The following COL17A1 variants were observed in gnomAD, a reference collection of about 807,000 sequenced individuals.
The protein encoded by COL17A1 is collagen type XVII alpha 1 chain, also known as collagen alpha-1(XVII) chain.
A neutral mutation model predicts 218.4 loss-of-function variants in COL17A1; 181 were observed. The ratio of observed to expected loss-of-function variants is 0.83; its 90% CI spans 0.73 to 0.94. The LOEUF is 0.94. Among genes scored for constraint, COL17A1 ranks in the 40% least tolerant of loss-of-function variants. COL17A1 has a pLI of 0.00. For missense variants in COL17A1, 1,924 were observed against 1,945.9 expected (o/e 0.99, Z 0.21); for synonymous variants, 721 against 731.0 (o/e 0.99, Z 0.22).
intron 48 of COL17A1, among the ~76,000 whole-genome samples, 176 bp from the exon 49 acceptor site, chr10:104,035,739 G>A (rs1175614359): frequency 6.7e-6 from 1 of 149,788 alleles, no homozygotes; most frequent in African/African-American, 2.5e-5. Context: ...GGGCCCACGG[G>A]GCCGGAGAAG....
At position 104,042,504 on chromosome 10, in the gene COL17A1, A is replaced by T. The variant is rs746816333; in HGVS notation, c.2516-49T>A. On this transcript the variant is annotated intron_variant, in intron 35 of 55. Transcript: ENST00000648076. ...AAGGCTAAATCATGCATGTAGGGTC[A>T]TAGGAAGAACTAAAGGCATAATTCC... 1.3e-5 allele frequency: 20 copies of T among 1,595,776 alleles called. No homozygotes were observed. The Admixed American group carries it at 1.3e-4, about 11-fold the overall frequency.
At chr10:104,038,981 T>C (rs1044359058) in intron 44 of COL17A1, 90 bp downstream of exon 44, 11 of 1,351,638 alleles carry the variant, frequency 8.1e-6, no homozygotes, top group African/African-American at 2.9e-5. Context: ...CATGGAGAAA[T>C]GAATGAACGA....
At chr10:104,040,207 C>T (rs754467031) in intron 40 of COL17A1, 144 bp downstream of exon 40, 13 of 910,960 alleles carry the variant, frequency 1.4e-5, no homozygotes, top group Middle Eastern at 2.4e-4. Flanking sequence ...ACCTTTGCTC[C>T]AGGCTGCTGA....
chr10:104,048,351 C>T (rs555661183), intron 29 of COL17A1, among the ~76,000 whole-genome samples: 13 of 152,302 alleles, frequency 8.5e-5, no homozygotes, highest in Admixed American at 3.3e-4. Context: ...TCAAGCGCCT[C>T]GATGCTCAAT....
At chr10:104,053,618 T>TTC (rs1190038845) in intron 22 of COL17A1, among the ~76,000 whole-genome samples, 2 of 152,064 alleles carry the variant, frequency 1.3e-5, no homozygotes, top group Non-Finnish European at 2.9e-5. Flanking sequence ...CAGGGAGGCC[T>TTC]TCCCTGGCTT....
At chr10:104,059,790 G>C (rs768404538) in intron 14 of COL17A1, 72 bp from the exon 15 acceptor site, 1 of 1,486,078 alleles carries the variant, frequency 6.7e-7, no homozygotes. Context: ...TGTTCCCCCC[G>C]CCCTTGCCCA....
intron 55 of COL17A1, among the ~76,000 whole-genome samples, 187 bp from the exon 56 acceptor site, chr10:104,032,477 G>C (rs573954446): frequency 6.6e-6 from 1 of 152,210 alleles, no homozygotes; most frequent in Non-Finnish European, 1.5e-5. Context: ...TTTCCTCCCT[G>C]CTTTGACACT....
intron 34 of COL17A1, 45 bp downstream of exon 34, chr10:104,043,780 T>G: frequency 6.2e-7 from 1 of 1,609,992 alleles, no homozygotes; most frequent in Non-Finnish European, 8.5e-7. Context: ...AGGTGCCCAG[T>G]ATAAGAAAGA....
At chr10:104,070,317 A>G (rs2086658756) in intron 9 of COL17A1, 109 bp downstream of exon 9, 2 of 1,559,080 alleles carry the variant, frequency 1.3e-6, no homozygotes, top group Non-Finnish European at 1.7e-6. Context: ...GTGGGCCCCA[A>G]TTTCAAGTCT....
chr10:104,033,268 C>A lies in COL17A1; in HGVS notation c.4264G>T (p.Val1422Leu). ...ISKVFSAYSN[V>L]TADLMDFFQT... is the part of the protein sequence containing the mutation. ...AAGAAGTCCATGAGGTCCGCAGTCA[C>A]GTTGCTGTAGGCAGAGAAGACCTTG... The change falls in exon 53 of 56, where the codon GTG becomes TTG. Residue 1422 changes from valine (V) to leucine (L), a missense_variant. Coordinates refer to ENST00000648076, the MANE Select transcript of COL17A1 (RefSeq NM_000494.4). 6.3e-7 allele frequency: 1 copy of A among 1,592,908 alleles called. No homozygotes were observed. The highest frequency in any genetic ancestry group is 8.5e-7 in the Non-Finnish European group (1 of 1,169,744).
At chr10:104,038,223 G>GAC (rs1170048144) in intron 45 of COL17A1, among the ~76,000 whole-genome samples, 183 bp downstream of exon 45, 2 of 126,666 alleles carry the variant, frequency 1.6e-5, no homozygotes, top group African/African-American at 3.2e-5. Context: ...TGGACACATA[G>GAC]ACACACATAC....
chr10:104,038,683 G>A (rs2086327639), intron 44 of COL17A1, among the ~76,000 whole-genome samples, 155 bp from the exon 45 acceptor site: 1 of 152,080 alleles, frequency 6.6e-6, no homozygotes, highest in Non-Finnish European at 1.5e-5. Flanking sequence ...AGAGAAGAAA[G>A]GACAGCCTGT....
At chr10:104,036,045 T>C (rs1048925757) in intron 48 of COL17A1, among the ~76,000 whole-genome samples, 6 of 73,564 alleles carry the variant, frequency 8.2e-5, no homozygotes, top group African/African-American at 2.9e-4. Flanking sequence ...AGTGTGTGTA[T>C]AGGAGTGTGT....
At chr10:104,057,237 C>G (rs1193998841) in intron 16 of COL17A1, 65 bp from the exon 17 acceptor site, 2 of 1,612,596 alleles carry the variant, frequency 1.2e-6, no homozygotes, top group East Asian at 2.2e-5. Flanking sequence ...TCCAGATTCT[C>G]TGACTTTTGG....
At chr10:104,079,658 T>C (rs1291632267) in intron 2 of COL17A1, among the ~76,000 whole-genome samples, 3 of 152,352 alleles carry the variant, frequency 2.0e-5, no homozygotes, top group African/African-American at 7.2e-5. Context: ...CTGGGCGCAG[T>C]GGCTCACGCC....
chr10:104,057,061 G>A lies in COL17A1; in HGVS notation c.1379C>T (p.Ser460Phe), dbSNP rs1487608081. The change falls in exon 17 of 56, where the codon TCC (serine) becomes TTC (phenylalanine). Residue 460 changes from serine (S) to phenylalanine (F), a missense_variant. By Grantham distance (155) the Ser-to-Phe change is radical. Coordinates refer to ENST00000648076, the MANE Select transcript of COL17A1 (RefSeq NM_000494.4). ...GPAPAWCPCG[S>F]CCSWWKWLLG... Reference sequence around the variant, plus strand: ...CAGCCACTTCCACCAGCTGCAGCAGGAGCCGCAGGGGCACCAGGCTGGCGC... The same window carrying A: ...CAGCCACTTCCACCAGCTGCAGCAGAAGCCGCAGGGGCACCAGGCTGGCGC... 7 of 1,609,852 alleles carry A rather than the reference G, an allele frequency of 4.3e-6. No homozygotes were observed. The highest frequency in any genetic ancestry group is 2.2e-5 in the East Asian group (1 of 44,800).
chr10:104,059,834 TAAG>T, intron 14 of COL17A1, 116 bp from the exon 15 acceptor site: 1 of 1,139,824 alleles, frequency 8.8e-7, no homozygotes, highest in East Asian at 2.4e-5. Flanking sequence ...GTTAGACTGG[TAAG>T]AAGAGCCCCT....
intron 27 of COL17A1, 115 bp downstream of exon 27, chr10:104,050,506 A>G (rs1483183980): frequency 7.1e-6 from 11 of 1,557,478 alleles, no homozygotes; most frequent in African/African-American, 1.4e-5. Context: ...GTTGGATTAG[A>G]ATGAGATCTT....
intron 9 of COL17A1, among the ~76,000 whole-genome samples, chr10:104,068,737 C>T (rs777490170): frequency 7.2e-5 from 11 of 152,240 alleles, no homozygotes; most frequent in Non-Finnish European, 1.5e-4. Context: ...ACTATAGAAG[C>T]TGTGGGGAAC....
Sources: allele counts gnomAD v4.1 joint callset (sites outside exome capture counted in the v4.1 genomes callset), GRCh38; gene constraint gnomAD v4.1.1; transcripts MANE v1.5; gene names NCBI Gene and HGNC (gene_info 2026-07-23, HGNC 2026-07-21).